CCDC171: variants seen among roughly 807,000 people sequenced by gnomAD.
CCDC171 encodes coiled-coil domain containing 171.
In CCDC171, 177 loss-of-function variants were observed where a neutral mutation model predicts 168.2. That is an observed-to-expected ratio of 1.05 (90% CI 0.93 to 1.19). The LOEUF (loss-of-function observed/expected upper bound fraction) is 1.19. CCDC171 is among the 50% of genes most tolerant of loss of function. The pLI is 0.00. For synonymous variants in CCDC171, 687 were observed against 540.8 expected, an observed-to-expected ratio of 1.27 and a Z score of -3.75; for missense variants, 1,991 against 1,539.0, an observed-to-expected ratio of 1.29 and a Z score of -4.91.
chr9:15,584,743 C>T lies in CCDC171; in HGVS notation c.352+5720C>T, dbSNP rs528762358. ...AGTGAAAAATATTCAGCATACCAAG[C>T]CACCATAATTGGGGGTATTGTGTTC... On this transcript the variant is annotated intron_variant, in intron 4 of 25. Coordinates refer to ENST00000380701, the MANE Select transcript of CCDC171 (RefSeq NM_173550.4). Among the ~76,000 whole-genome samples, 72 of 152,134 alleles carry T rather than the reference C, an allele frequency of 4.7e-4. 1 individual carries two copies. Among genetic ancestry groups the T allele is most frequent in the Admixed American group, 9.2e-4 (14 of 15,270 alleles).
rs2059543308 is a variant in CCDC171 at position 15,815,799 on chromosome 9, C to G, written c.3268-30903C>G. 1.1e-4 allele frequency among the ~76,000 whole-genome samples: 13 copies of G among 117,034 alleles called. 4 individuals are homozygous for G. In the South Asian group the frequency reaches 3.6e-3, roughly 33 times the overall value. 76.8% of individuals were successfully genotyped at this position (117,034 alleles called of 152,430 possible). A position where few individuals can be genotyped will look rare whatever the true frequency, so the allele number is the denominator to read the frequency against. ...TAAAGTAGGATTATTAGCATCATTA[C>G]TTAATTTAAAAGTCTTATCACTTTT... On this transcript the variant is annotated intron_variant, in intron 21 of 25. Coordinates refer to ENST00000380701, the MANE Select transcript of CCDC171 (RefSeq NM_173550.4).
intron 6 of CCDC171, among the ~76,000 whole-genome samples, chr9:15,615,227 A>G (rs2043994619): frequency 1.3e-5 from 2 of 152,198 alleles, no homozygotes; most frequent in South Asian, 4.1e-4. Context: ...ATCAATCAAT[A>G]TAATTCTAAC....
the CCDC171 span, among the ~76,000 whole-genome samples, chr9:16,081,022 C>T: frequency 1.3e-5 from 2 of 152,152 alleles, no homozygotes; most frequent in East Asian, 1.9e-4. Flanking sequence ...ATCCATTTTC[C>T]TGGGACTAGG....
the CCDC171 span, among the ~76,000 whole-genome samples, chr9:16,085,203 T>C: frequency 1.3e-5 from 2 of 152,232 alleles, no homozygotes; most frequent in Non-Finnish European, 2.9e-5. Context: ...ATAAATGATC[T>C]TGTCCCATTC....
rs139298794 is a variant in CCDC171 at position 15,967,017 on chromosome 9, G to C, written c.3754-4592G>C. ...GTATATATATCTCAGATATAAAATA[G>C]AGTATTCCACAAGAGAAAACTATGT... On this transcript the variant is annotated intron_variant, in intron 25 of 25. Transcript: ENST00000380701. 6.8e-4 allele frequency among the ~76,000 whole-genome samples: 104 copies of C among 152,210 alleles called. 1 individual carries two copies. The East Asian group carries it at 0.016, about 23-fold the overall frequency.
intron 18 of CCDC171, among the ~76,000 whole-genome samples, chr9:15,767,217 T>A (rs2135201725): frequency 6.6e-6 from 1 of 152,246 alleles, no homozygotes; most frequent in Admixed American, 6.5e-5. Context: ...CTGAAATAGG[T>A]CTTATTGGGC....
the CCDC171 span, among the ~76,000 whole-genome samples, chr9:16,105,173 A>G: frequency 2.0e-5 from 3 of 152,204 alleles, no homozygotes; most frequent in African/African-American, 7.2e-5. Flanking sequence ...GCAGTGACTT[A>G]AATATATTTG....
At chr9:16,056,439 G>T (rs1038839273) in intron 1 of CCDC171, among the ~76,000 whole-genome samples, 1 of 152,150 alleles carries the variant, frequency 6.6e-6, no homozygotes, top group Admixed American at 6.5e-5. Flanking sequence ...GTAGCCACAC[G>T]AGCCTAGTGA....
At chr9:15,732,564 T>TG (rs2054218542) in intron 16 of CCDC171, among the ~76,000 whole-genome samples, 1 of 152,184 alleles carries the variant, frequency 6.6e-6, no homozygotes, top group Non-Finnish European at 1.5e-5. Context: ...CTTTTGGGTC[T>TG]GGTTACTTTC....
intron 6 of CCDC171, among the ~76,000 whole-genome samples, chr9:16,027,353 CA>C (rs1833293976): frequency 6.6e-6 from 1 of 151,886 alleles, no homozygotes; most frequent in South Asian, 2.1e-4. Context: ...CCTGGACCAC[CA>C]ACAAAAGAAA....
chr9:15,736,740 G>T (rs995522026), intron 16 of CCDC171, among the ~76,000 whole-genome samples: 3 of 150,884 alleles, frequency 2.0e-5, no homozygotes, highest in African/African-American at 7.4e-5. Flanking sequence ...CACTGCTGCA[G>T]TCTCGGCTCA....
Position 15,944,605 on chromosome 9 carries a change from A to T in CCDC171, c.3753+24183A>T, listed in dbSNP as rs143228553. On this transcript the variant is annotated intron_variant, in intron 25 of 25. Transcript: ENST00000380701. Reference sequence around the variant, plus strand: ...TTGAAGCAAATATTTGAACACAGGCAGTTCAGCTCAAGAGCCCATTCATAG... The same window carrying T: ...TTGAAGCAAATATTTGAACACAGGCTGTTCAGCTCAAGAGCCCATTCATAG... Among the ~76,000 whole-genome samples, 257 of 152,180 alleles carry T rather than the reference A, an allele frequency of 1.7e-3. 2 individuals carry two copies. Among genetic ancestry groups the T allele is most frequent in the African/African-American group, 5.8e-3 (239 of 41,548 alleles).
intron 6 of CCDC171, among the ~76,000 whole-genome samples, chr9:15,604,015 T>C (rs2043050009): frequency 6.6e-6 from 1 of 152,170 alleles, no homozygotes; most frequent in South Asian, 2.1e-4. Flanking sequence ...GATGTTGAGC[T>C]TTTTTTCATG....
chr9:15,667,313 G>C (rs1423919843), intron 9 of CCDC171, among the ~76,000 whole-genome samples: 1 of 151,960 alleles, frequency 6.6e-6, no homozygotes, highest in Middle Eastern at 3.2e-3. Flanking sequence ...AGTAGATAAT[G>C]GTTTTCCATT....
intron 1 of CCDC171, among the ~76,000 whole-genome samples, chr9:16,057,119 G>A (rs765603647): frequency 6.6e-6 from 1 of 152,172 alleles, no homozygotes; most frequent in African/African-American, 2.4e-5. Context: ...TGTTATGAAT[G>A]ACATCCTTTT....
chr9:15,679,623 C>T (rs372832335), intron 10 of CCDC171, among the ~76,000 whole-genome samples: 4 of 152,150 alleles, frequency 2.6e-5, no homozygotes, highest in Admixed American at 2.6e-4. Context: ...AACCCTAGCT[C>T]ACTGAAATCT....
At chr9:15,851,127 A>G (rs1210791603) in intron 23 of CCDC171, among the ~76,000 whole-genome samples, 1 of 151,978 alleles carries the variant, frequency 6.6e-6, no homozygotes, top group African/African-American at 2.4e-5. Context: ...TAACCTGAAC[A>G]TATTTGTTCT....
the CCDC171 span, among the ~76,000 whole-genome samples, chr9:16,080,571 C>T: frequency 1.3e-5 from 2 of 152,158 alleles, no homozygotes; most frequent in African/African-American, 4.8e-5. Context: ...TGACCTTCCC[C>T]GGGTGATGCA....
At chr9:15,894,855 G>T (rs1820693056) in intron 24 of CCDC171, among the ~76,000 whole-genome samples, 1 of 151,982 alleles carries the variant, frequency 6.6e-6, no homozygotes, top group Non-Finnish European at 1.5e-5. Flanking sequence ...AATATGTTTG[G>T]CTGTTATCTA....
Sources: gnomAD v4.1 joint callset for allele counts (sites outside exome capture counted in the v4.1 genomes callset) on GRCh38, gnomAD v4.1.1 for gene constraint, MANE v1.5 for transcripts, NCBI Gene and HGNC (gene_info 2026-07-23, HGNC 2026-07-21) for gene names.